PCM1: variants seen among roughly 807,000 people sequenced by gnomAD.
PCM1 encodes the protein pericentriolar material 1 protein.
Under a neutral mutation model 241.9 loss-of-function variants are expected in PCM1, and 157 were observed. That is an observed-to-expected ratio of 0.65 (90% confidence interval 0.57 to 0.74). The LOEUF is 0.74. Among genes scored for constraint, PCM1 ranks in the 30% least tolerant of loss-of-function variants. The pLI, the probability that PCM1 is intolerant of heterozygous loss-of-function variation, is 0.00. For synonymous variants in PCM1, 1,085 were observed against 784.9 expected (o/e 1.38, Z -6.39); for missense variants, 3,478 against 2,360.1 (o/e 1.47, Z -9.81).
At position 17,937,327 on chromosome 8, in the gene PCM1, A is replaced by G; in HGVS notation, c.290A>G (p.Gln97Arg). 2 of 1,608,056 alleles carry G rather than the reference A, an allele frequency of 1.2e-6. No individual in the cohort carries two copies. The highest frequency in any genetic ancestry group is 1.3e-5 in the African/African-American group (1 of 74,962). Reference sequence around the variant, plus strand: ...ATGAGTCAGATGTCTGTCCCAGAGCAGGCAGAATTAGAGAAACTGAAACAG... The same window carrying G: ...ATGAGTCAGATGTCTGTCCCAGAGCGGGCAGAATTAGAGAAACTGAAACAG... Reference protein sequence around the residue: ...RYMSQMSVPEQAELEKLKQRI... With the variant: ...RYMSQMSVPERAELEKLKQRI... Residue 97 changes from glutamine (Q) to arginine (R), a missense_variant, in exon 4 of 39, where the codon CAG becomes CGG. Coordinates refer to ENST00000325083, the MANE Select transcript of PCM1 (RefSeq NM_006197.4).
intron 30 of PCM1, among the ~76,000 whole-genome samples, chr8:18,009,041 G>A (rs181829477): frequency 3.3e-5 from 5 of 151,334 alleles, no homozygotes; most frequent in Middle Eastern, 3.4e-3. Flanking sequence ...CTTAAGTAAA[G>A]GAGGAAGCTT....
intron 23 of PCM1, among the ~76,000 whole-genome samples, chr8:17,977,165 G>T (rs549676802): frequency 9.7e-4 from 147 of 152,192 alleles, no homozygotes; most frequent in Admixed American, 9.6e-3. Context: ...GTTATTAAAT[G>T]AGCAATAGTA....
In PCM1 at chr8:18,011,242, G is replaced by C. The variant is rs1361337693; in HGVS notation, c.5226G>C (p.Lys1742Asn). 2 of 1,601,754 alleles carry C rather than the reference G, an allele frequency of 1.2e-6. No individual in the cohort carries two copies. The highest frequency in any genetic ancestry group is 1.3e-5 in the African/African-American group (1 of 74,678). Residue 1742 changes from lysine to asparagine, a missense_variant, in exon 33 of 39, where the codon AAG becomes AAC. By Grantham distance (94) the Lys-to-Asn change is moderately conservative (BLOSUM62 0). Transcript: ENST00000325083. Reference sequence around the variant, plus strand: ...TCAAATATTTTTGTGTCTAGGACAAGGATGAAACTGAAACAGTTAAGCAGA... The same window carrying C: ...TCAAATATTTTTGTGTCTAGGACAACGATGAAACTGAAACAGTTAAGCAGA... Reference protein sequence around the residue: ...AGEIDDEDKDKDETETVKQTQ... With the variant: ...AGEIDDEDKDNDETETVKQTQ...
In PCM1 at chr8:17,937,396, T is replaced by A. The variant is rs1283693981; in HGVS notation, c.342+17T>A. The A allele has an allele frequency of 1.3e-6, 2 of 1,553,940 alleles. No individual in the cohort carries two copies. Among genetic ancestry groups the A allele is most frequent in the Non-Finnish European group, 1.7e-6 (2 of 1,151,722 alleles). Reference sequence around the variant, plus strand: ...TTAGATCAGGTTTGTGAATTATTTTTAAAAATGAAGCTATTACTGTGAGAA... The same window carrying A: ...TTAGATCAGGTTTGTGAATTATTTTAAAAAATGAAGCTATTACTGTGAGAA... On this transcript the variant is annotated intron_variant, in intron 4 of 38. Transcript: ENST00000325083.
At chr8:17,935,454 TG>T (rs1264753016) in intron 2 of PCM1, 134 bp from the exon 3 acceptor site, 1 of 578,320 alleles carries the variant, frequency 1.7e-6, no homozygotes, top group Non-Finnish European at 3.1e-6. Flanking sequence ...TTGTCTGTGA[TG>T]TGGTTGACAG....
At chr8:17,967,313 T>TGGAGTGGGGTAGGAAATG in intron 21 of PCM1, 143 bp downstream of exon 21, 1 of 628,890 alleles carries the variant, frequency 1.6e-6, no homozygotes. Flanking sequence ...CTCTTTTTTT[T>TGGAGTGGGGTAGGAAATG]TTTTTTCTTT....
At chr8:17,938,718 T>G in intron 4 of PCM1, 22 bp from the exon 5 acceptor site, 11 of 1,587,956 alleles carry the variant, frequency 6.9e-6, no homozygotes, top group Non-Finnish European at 9.5e-6. Flanking sequence ...TTTGTGTGAT[T>G]TGATTTCTTT....
At chr8:17,986,153 G>C (rs2082512116) in intron 26 of PCM1, 66 bp downstream of exon 26, 11 of 1,136,028 alleles carry the variant, frequency 9.7e-6, no homozygotes, top group Non-Finnish European at 1.3e-5. Flanking sequence ...AAGTTAAATA[G>C]ATTATTGTCA....
chr8:17,955,953 G>C (rs1452030919), intron 10 of PCM1: 4 of 384,354 alleles, frequency 1.0e-5, no homozygotes, highest in African/African-American at 6.2e-5. Flanking sequence ...CCAGGCTGTA[G>C]AATCAGACAG....
chr8:17,959,288 A>G (rs2070438017), intron 13 of PCM1, among the ~76,000 whole-genome samples: 1 of 150,548 alleles, frequency 6.6e-6, no homozygotes, highest in Non-Finnish European at 1.5e-5. Flanking sequence ...AAGAAACACA[A>G]ATATGATAAT....
chr8:18,009,466 GT>G (rs971067854), intron 30 of PCM1, 80 bp from the exon 31 acceptor site: 1 of 896,156 alleles, frequency 1.1e-6, no homozygotes, highest in African/African-American at 1.7e-5. Context: ...TTAGTTTTAA[GT>G]TTTTCAGTAC....
rs531292448 is a variant in PCM1, at chr8:17,988,007, A to G, written c.4411-1852A>G. Reference sequence around the variant, plus strand: ...ACGTATATTAAGATGTGTAAGAGATACCTCTCTTGCCTAGGGAAGAGAGAA... The same window carrying G: ...ACGTATATTAAGATGTGTAAGAGATGCCTCTCTTGCCTAGGGAAGAGAGAA... On this transcript the variant is annotated intron_variant, in intron 26 of 38. Coordinates refer to ENST00000325083, the MANE Select transcript of PCM1 (RefSeq NM_006197.4). Among the ~76,000 whole-genome samples, 8 of 151,816 alleles carry G rather than the reference A, an allele frequency of 5.3e-5. No homozygotes were observed. In the South Asian group the frequency reaches 1.2e-3, roughly 24 times the overall value.
In PCM1 at chr8:17,967,142, A is replaced by C; in HGVS notation, c.3384A>C (p.Gly1128=). Residue 1128 remains glycine, a synonymous_variant, in exon 21 of 39, where the codon GGA becomes GGC. Coordinates refer to ENST00000325083, the MANE Select transcript of PCM1 (RefSeq NM_006197.4). ...TQPVNLFNIP[G]FTNFSSFAPG... ...CTGTAAATCTCTTCAATATACCTGG[A>C]TTTACTAACTTTTCATCATTTGCAC... 1 of 1,599,886 alleles carries C rather than the reference A, an allele frequency of 6.3e-7. No individual in the cohort carries two copies. Among genetic ancestry groups the C allele is most frequent in the Non-Finnish European group, 8.5e-7 (1 of 1,172,354 alleles).
intron 24 of PCM1, chr8:17,983,113 C>T (rs765569640): frequency 8.3e-6 from 3 of 362,530 alleles, no homozygotes; most frequent in Non-Finnish European, 1.4e-5. Context: ...TTAGTTCAGG[C>T]AAACAATTTT....
intron 36 of PCM1, among the ~76,000 whole-genome samples, chr8:18,019,400 T>A (rs2093580677): frequency 6.6e-6 from 1 of 152,190 alleles, no homozygotes; most frequent in Non-Finnish European, 1.5e-5. Context: ...GTAAGGGGGA[T>A]GGTTTCAGGA....
intron 38 of PCM1, among the ~76,000 whole-genome samples, chr8:18,026,335 A>G (rs1164782572): frequency 6.9e-6 from 1 of 145,896 alleles, no homozygotes; most frequent in African/African-American, 2.5e-5. Flanking sequence ...GCTCACTGCA[A>G]GCTCCTCCGC....
intron 6 of PCM1, among the ~76,000 whole-genome samples, chr8:17,942,631 T>A (rs1413058969): frequency 1.3e-5 from 2 of 152,182 alleles, no homozygotes; most frequent in Admixed American, 1.3e-4. Flanking sequence ...ATTGGTTTTT[T>A]AATTTTCCAT....
At chr8:18,001,865 T>C (rs1009049681) in intron 29 of PCM1, among the ~76,000 whole-genome samples, 1 of 152,046 alleles carries the variant, frequency 6.6e-6, no homozygotes, top group Non-Finnish European at 1.5e-5. Flanking sequence ...ACTTTACAGC[T>C]GAGAGGAAAA....
chr8:17,987,492 C>T (rs971974223), intron 26 of PCM1, among the ~76,000 whole-genome samples: 1 of 151,800 alleles, frequency 6.6e-6, no homozygotes, highest in Non-Finnish European at 1.5e-5. Context: ...AGTTGAGCTA[C>T]AGTTTAGGAT....
Sources: gnomAD v4.1 joint callset for allele counts (sites outside exome capture counted in the v4.1 genomes callset) on GRCh38, gnomAD v4.1.1 for gene constraint, MANE v1.5 for transcripts, NCBI Gene and HGNC (gene_info 2026-07-23, HGNC 2026-07-21) for gene names.